Variants in BTBD9 observed in about 807,000 individuals in gnomAD.
BTBD9 encodes the protein BTB domain containing 9, also known as BTB/POZ domain-containing protein 9.
In BTBD9, 49 loss-of-function variants were observed where a neutral mutation model predicts 64.3. The observed-to-expected ratio is 0.76, with a 90% CI of 0.61 to 0.97. The LOEUF is 0.97. Ranked by LOEUF, BTBD9 falls within the 50% of genes least tolerant of loss-of-function variation. The pLI is 0.00. For synonymous variants in BTBD9, 260 were observed against 274.7 expected (o/e 0.95, Z 0.53); for missense variants, 598 against 762.1 (o/e 0.78, Z 2.53).
chr6:38,291,471 T>C (rs762012591), intron 7 of BTBD9, among the ~76,000 whole-genome samples: 41 of 152,102 alleles, frequency 2.7e-4, no homozygotes, highest in Non-Finnish European at 4.4e-4. Context: ...CTCTTCCTAT[T>C]TGAATATCCT....
chr6:38,396,897 CTTTTTTTTTTT>C (rs146597621), intron 6 of BTBD9, among the ~76,000 whole-genome samples: 3 of 107,380 alleles, frequency 2.8e-5, no homozygotes, highest in South Asian at 3.2e-4. Flanking sequence ...TTTTCTTTTT[CTTTTTTTTTTT>C]TTTTTTTTTT....
chr6:38,479,877 C>T (rs1472824196), intron 6 of BTBD9, among the ~76,000 whole-genome samples: 1 of 152,086 alleles, frequency 6.6e-6, no homozygotes, highest in Non-Finnish European at 1.5e-5. Context: ...TACAGGTGTG[C>T]ACCACCATGC....
chr6:38,189,445 G>T (rs1761956374), intron 10 of BTBD9, among the ~76,000 whole-genome samples: 1 of 152,220 alleles, frequency 6.6e-6, no homozygotes, highest in Non-Finnish European at 1.5e-5. Context: ...AACATTCTCT[G>T]AGGGTTTGCT....
intron 6 of BTBD9, among the ~76,000 whole-genome samples, chr6:38,413,168 A>G (rs887456815): frequency 6.6e-6 from 1 of 151,938 alleles, no homozygotes; most frequent in African/African-American, 2.4e-5. Flanking sequence ...GGACAATAAC[A>G]TCCCTCTTTT....
intron 6 of BTBD9, among the ~76,000 whole-genome samples, chr6:38,514,206 C>G (rs1772908189): frequency 6.6e-6 from 1 of 152,248 alleles, no homozygotes; most frequent in African/African-American, 2.4e-5. Context: ...ACAACCAACA[C>G]ACTCCTGTTA....
intron 6 of BTBD9, among the ~76,000 whole-genome samples, chr6:38,345,404 G>A (rs1931759): frequency 0.042 from 6,420 of 152,276 alleles, 202 homozygotes; most frequent in East Asian, 0.1. Context: ...GTACATGACC[G>A]TAAGACATTT....
rs113366666 is a variant in BTBD9, at chr6:38,453,403, C to T, written c.1155-108310G>A. Among the ~76,000 whole-genome samples the T allele has an allele frequency of 7.3e-3, 1,118 of 152,198 alleles. 9 individuals are homozygous for T. Among genetic ancestry groups the T allele is most frequent in the African/African-American group, 0.025 (1,056 of 41,530 alleles). On this transcript the variant is annotated intron_variant, in intron 6 of 10. Coordinates refer to ENST00000481247, the MANE Select transcript of BTBD9 (RefSeq NM_001099272.2). Reference sequence around the variant, plus strand: ...ATTTGCATGAATTCAAATGAAACTCCGTTCTCTGTTGTCATCATTCTGTTC... The same window carrying T: ...ATTTGCATGAATTCAAATGAAACTCTGTTCTCTGTTGTCATCATTCTGTTC...
At chr6:38,334,632 TAAATA>T (rs945932405) in intron 7 of BTBD9, among the ~76,000 whole-genome samples, 14 of 143,112 alleles carry the variant, frequency 9.8e-5, no homozygotes, top group African/African-American at 3.3e-4. Context: ...TAACATAAAA[TAAATA>T]AAATAATAAA....
At chr6:38,448,834 T>A (rs1409091255) in intron 6 of BTBD9, among the ~76,000 whole-genome samples, 1 of 152,144 alleles carries the variant, frequency 6.6e-6, no homozygotes, top group Non-Finnish European at 1.5e-5. Context: ...TGGCATATAA[T>A]CTCTTAATAA....
chr6:38,353,118 C>A lies in BTBD9; in HGVS notation c.1155-8025G>T, dbSNP rs544388289. On this transcript the variant is annotated intron_variant, in intron 6 of 10. Transcript: ENST00000481247. ...AGAAGAGTCAAACGGGAAAGTACAA[C>A]TAGCTCTGTCTAAGAACACGGCTAT... Among the ~76,000 whole-genome samples the A allele has an allele frequency of 2.6e-5, 4 of 152,300 alleles. No individual in the cohort carries two copies. In the East Asian group the frequency reaches 7.7e-4, roughly 29 times the overall value.
chr6:38,494,553 C>G (rs1582524498), intron 6 of BTBD9, among the ~76,000 whole-genome samples: 1 of 152,290 alleles, frequency 6.6e-6, no homozygotes, highest in East Asian at 1.9e-4. Context: ...TTATGGAACT[C>G]TATTTTGCCT....
At position 38,296,546 on chromosome 6, in the gene BTBD9, T is replaced by C. The variant is rs375421653; in HGVS notation, c.1265-8085A>G. On this transcript the variant is annotated intron_variant, in intron 7 of 10. Coordinates refer to ENST00000481247, the MANE Select transcript of BTBD9 (RefSeq NM_001099272.2). ...AATGAATGTTTAACTCACTAATCTT[T>C]TTCTTTTCTAAAAAAATGTATTTAA... Among the ~76,000 whole-genome samples the C allele has an allele frequency of 8.5e-5, 13 of 152,258 alleles. No homozygotes were observed. In the East Asian group the frequency reaches 2.1e-3, roughly 25 times the overall value.
intron 9 of BTBD9, among the ~76,000 whole-genome samples, chr6:38,208,741 T>A (rs1762736926): frequency 6.6e-6 from 1 of 152,224 alleles, no homozygotes; most frequent in East Asian, 1.9e-4. Context: ...TTTATAGCTG[T>A]CTCGCTGTCC....
intron 8 of BTBD9, among the ~76,000 whole-genome samples, chr6:38,277,510 T>C (rs150300820): frequency 7.6e-4 from 116 of 152,112 alleles, no homozygotes; most frequent in African/African-American, 2.7e-3. Context: ...ATTTTTGTAT[T>C]TTCAGTAGAG....
chr6:38,544,631 G>C (rs972793177), intron 6 of BTBD9, among the ~76,000 whole-genome samples: 1 of 152,050 alleles, frequency 6.6e-6, no homozygotes, highest in African/African-American at 2.4e-5. Context: ...CGGTTGAAGA[G>C]TGATGAGGGT....
chr6:38,349,252 C>G (rs1474844281), intron 6 of BTBD9, among the ~76,000 whole-genome samples: 1 of 152,078 alleles, frequency 6.6e-6, no homozygotes, highest in African/African-American at 2.4e-5. Context: ...ACGAACTTTA[C>G]AGGGTACTTA....
At chr6:38,275,825 G>A (rs367899238) in intron 8 of BTBD9, among the ~76,000 whole-genome samples, 21 of 152,058 alleles carry the variant, frequency 1.4e-4, no homozygotes, top group African/African-American at 3.6e-4. Context: ...TTAGAATGGC[G>A]ATCATTAAAA....
At chr6:38,413,617 T>C (rs1767536768) in intron 6 of BTBD9, among the ~76,000 whole-genome samples, 1 of 152,168 alleles carries the variant, frequency 6.6e-6, no homozygotes, top group African/African-American at 2.4e-5. Context: ...AAAAGGGACA[T>C]CATTTTCTAA....
At chr6:38,288,827 C>T (rs1290699005) in intron 7 of BTBD9, among the ~76,000 whole-genome samples, 3 of 151,058 alleles carry the variant, frequency 2.0e-5, no homozygotes, top group Admixed American at 6.6e-5. Context: ...CTCGGGAGGC[C>T]GAGGCAAGAG....
Sources: allele counts gnomAD v4.1 joint callset (sites outside exome capture counted in the v4.1 genomes callset), GRCh38; gene constraint gnomAD v4.1.1; transcripts MANE v1.5; gene names NCBI Gene and HGNC (gene_info 2026-07-23, HGNC 2026-07-21).